Variants in CNTN1 observed in about 807,000 individuals in gnomAD.
CNTN1 encodes contactin 1.
Under a neutral mutation model 126.4 loss-of-function variants are expected in CNTN1, and 38 were observed. That is an observed-to-expected ratio of 0.30 (90% confidence interval 0.23 to 0.39). The LOEUF (loss-of-function observed/expected upper bound fraction) is 0.39, where lower values mean the gene tolerates loss of function less well. Ranked by LOEUF, CNTN1 falls within the 10% of genes least tolerant of loss-of-function variation. The pLI, the probability that CNTN1 is intolerant of heterozygous loss-of-function variation, is 1.00. For missense variants in CNTN1, 1,009 were observed against 1,248.4 expected (o/e 0.81, Z 2.89); for synonymous variants, 413 against 422.6 (o/e 0.98, Z 0.28).
In CNTN1 at chr12:41,015,720, T is replaced by TA. The variant is rs58676163; in HGVS notation, c.2185-948dup. Among the ~76,000 whole-genome samples, 877 of 135,858 alleles carry TA rather than the reference T, an allele frequency of 6.5e-3. 10 individuals are homozygous for TA. Among genetic ancestry groups the TA allele is most frequent in the East Asian group, 0.052 (242 of 4,686 alleles). The allele number at this position is 135,858 out of a possible 152,430, so 89.1% of individuals were successfully genotyped here. A position where few individuals can be genotyped will look rare whatever the true frequency, so the allele number is the denominator to read the frequency against. On this transcript the variant is annotated intron_variant, in intron 18 of 23. Transcript: ENST00000551295. The stretch of plus-strand genomic sequence containing the variant: ...AGACATCTTAAATTTGATTTTCTGG[T>TA]AAAAAAAAAAAAAAGTAAATATACA...
intron 1 of CNTN1, among the ~76,000 whole-genome samples, chr12:40,845,807 A>G (rs1434858094): frequency 6.6e-6 from 1 of 152,184 alleles, no homozygotes; most frequent in Non-Finnish European, 1.5e-5. Context: ...CCCAACCCCC[A>G]TAACTTGCCC....
At chr12:41,009,088 G>T (rs1411158582) in intron 17 of CNTN1, among the ~76,000 whole-genome samples, 1 of 152,180 alleles carries the variant, frequency 6.6e-6, no homozygotes, top group Non-Finnish European at 1.5e-5. Context: ...CATGAAGAGG[G>T]CCCAATCTGG....
chr12:41,023,782 T>C (rs544033620), intron 20 of CNTN1, among the ~76,000 whole-genome samples: 296 of 152,328 alleles, frequency 1.9e-3, no homozygotes, highest in Non-Finnish European at 3.1e-3. Flanking sequence ...TTTTCTTATT[T>C]TGGAGAAGAC....
At position 40,825,385 on chromosome 12, in the gene CNTN1, T is replaced by A. The variant is rs1483209640; in HGVS notation, c.-76-82972T>A. Among the ~76,000 whole-genome samples the A allele has an allele frequency of 9.9e-5, 15 of 152,270 alleles. No individual in the cohort carries two copies. In the East Asian group the frequency reaches 2.9e-3, roughly 29 times the overall value. On this transcript the variant is annotated intron_variant, in intron 1 of 23. Coordinates refer to ENST00000551295, the MANE Select transcript of CNTN1 (RefSeq NM_001843.4). Reference sequence around the variant, plus strand: ...AGTCAGTTAGACATCTTAATAGAGATAACAGATTTATACCCAAATTGGCTT... The same window carrying A: ...AGTCAGTTAGACATCTTAATAGAGAAAACAGATTTATACCCAAATTGGCTT...
At chr12:40,985,118 C>T (rs1947926108) in intron 16 of CNTN1, among the ~76,000 whole-genome samples, 1 of 151,910 alleles carries the variant, frequency 6.6e-6, no homozygotes, top group Non-Finnish European at 1.5e-5. Context: ...TCTAGGAGTG[C>T]ATTTTGCCTT....
rs1344020514 is a variant in CNTN1, at chr12:40,937,598, A to G, written c.1139A>G (p.Asp380Gly). Residue 380 changes from aspartate (D) to glycine (G), a missense_variant, in exon 11 of 24, where the codon GAT becomes GGT. Transcript: ENST00000551295. Reference sequence around the variant, plus strand: ...CATAAAGGGGAATTAAGACTGTATGATGTGACTTTTGAAAATGCCGGAATG... The same window carrying G: ...CATAAAGGGGAATTAAGACTGTATGGTGTGACTTTTGAAAATGCCGGAATG... ...AYHKGELRLY[D>G]VTFENAGMYQ... The G allele has an allele frequency of 1.2e-5, 19 of 1,610,250 alleles. No individual in the cohort carries two copies. Among genetic ancestry groups the G allele is most frequent in the Non-Finnish European group, 1.6e-5 (19 of 1,176,730 alleles).
intron 1 of CNTN1, among the ~76,000 whole-genome samples, chr12:40,750,288 G>T (rs1324110657): frequency 6.6e-6 from 1 of 152,076 alleles, no homozygotes; most frequent in Non-Finnish European, 1.5e-5. Flanking sequence ...AATGAGGCAG[G>T]AGGGGAATAT....
intron 14 of CNTN1, 52 bp downstream of exon 14, chr12:40,944,222 T>C: frequency 1.4e-6 from 2 of 1,480,740 alleles, no homozygotes; most frequent in Middle Eastern, 1.7e-4. Flanking sequence ...CCTATGTGTC[T>C]GCATTGAAAG....
chr12:40,959,370 G>A (rs933461568), intron 15 of CNTN1, 136 bp downstream of exon 15: 203 of 938,116 alleles, frequency 2.2e-4, no homozygotes, highest in Middle Eastern at 5.0e-4. Context: ...TGGATCTTAA[G>A]CTTCTTCCCA....
At chr12:40,831,118 T>TATACTATACATATATAGTATACTATAC in intron 1 of CNTN1, among the ~76,000 whole-genome samples, 1 of 146,464 alleles carries the variant, frequency 6.8e-6, no homozygotes, top group African/African-American at 2.5e-5. Context: ...GTATACTATA[T>TATACTATACATATATAGTATACTATAC]ATACTGTAAA....
At chr12:41,008,898 G>A (rs1471810019) in intron 17 of CNTN1, among the ~76,000 whole-genome samples, 1 of 152,162 alleles carries the variant, frequency 6.6e-6, no homozygotes, top group Non-Finnish European at 1.5e-5. Flanking sequence ...AAGCATACTT[G>A]GAGTCAGTGT....
chr12:40,890,723 T>C (rs1253294190), intron 1 of CNTN1, among the ~76,000 whole-genome samples: 1 of 152,172 alleles, frequency 6.6e-6, no homozygotes, highest in African/African-American at 2.4e-5. Flanking sequence ...CATGGCCTCG[T>C]TGTACCACAG....
At chr12:41,056,992 T>TGATA (rs1237341356) in intron 23 of CNTN1, among the ~76,000 whole-genome samples, 2 of 95,008 alleles carry the variant, frequency 2.1e-5, no homozygotes, top group Non-Finnish European at 3.9e-5. Flanking sequence ...TATTTATAAA[T>TGATA]ATTATAAATA....
chr12:40,822,360 G>A (rs762827157), intron 1 of CNTN1, among the ~76,000 whole-genome samples: 4 of 151,414 alleles, frequency 2.6e-5, no homozygotes, highest in Non-Finnish European at 5.9e-5. Flanking sequence ...TCACCATGTT[G>A]GCCAGGCTGG....
intron 1 of CNTN1, among the ~76,000 whole-genome samples, chr12:40,796,309 A>G (rs1355133153): frequency 2.0e-5 from 3 of 152,042 alleles, no homozygotes; most frequent in Non-Finnish European, 2.9e-5. Flanking sequence ...ACCAACTTCA[A>G]GTCATACTTT....
intron 19 of CNTN1, 31 bp from the exon 20 acceptor site, chr12:41,020,305 AC>A (rs765843544): frequency 1.5e-6 from 2 of 1,339,750 alleles, no homozygotes; most frequent in Non-Finnish European, 2.1e-6. Flanking sequence ...TAAATATCTC[AC>A]TAATAATATA....
At chr12:40,942,338 T>G (rs1399218512) in intron 12 of CNTN1, among the ~76,000 whole-genome samples, 13 of 152,056 alleles carry the variant, frequency 8.5e-5, no homozygotes, top group Admixed American at 8.5e-4. Flanking sequence ...GGAAAAGTAT[T>G]TTACTGAGAT....
intron 1 of CNTN1, among the ~76,000 whole-genome samples, chr12:40,779,609 C>T (rs1939714616): frequency 6.6e-6 from 1 of 151,804 alleles, no homozygotes; most frequent in Admixed American, 6.6e-5. Flanking sequence ...TTAAGACATT[C>T]TTTTAAATGT....
At position 40,994,196 on chromosome 12, in the gene CNTN1, A is replaced by G. The variant is rs567904558; in HGVS notation, c.2113+927A>G. 2.6e-5 allele frequency among the ~76,000 whole-genome samples: 4 copies of G among 152,228 alleles called. No individual in the cohort carries two copies. In the East Asian group the frequency reaches 7.7e-4, roughly 29 times the overall value. On this transcript the variant is annotated intron_variant, in intron 17 of 23. Coordinates refer to ENST00000551295, the MANE Select transcript of CNTN1 (RefSeq NM_001843.4). ...TAATATTTGCAACAAAATTCCAAGA[A>G]AGAAGGAGGGAGGCCTACATCTATT...
Sources: gnomAD v4.1 joint callset for allele counts (sites outside exome capture counted in the v4.1 genomes callset) on GRCh38, gnomAD v4.1.1 for gene constraint, MANE v1.5 for transcripts, NCBI Gene and HGNC (gene_info 2026-07-23, HGNC 2026-07-21) for gene names.